Variants in AFAP1 observed in about 807,000 individuals in gnomAD.
AFAP1 encodes the protein actin filament associated protein 1, also known as actin filament-associated protein 1.
AFAP1 carries 75 observed loss-of-function variants against 93.9 expected under a neutral mutation model. The observed-to-expected ratio is 0.80, with a 90% confidence interval of 0.66 to 0.97. The LOEUF is 0.97. AFAP1 is among the 50% of genes least tolerant of loss of function. The pLI is 0.00. For synonymous variants in AFAP1, 517 were observed against 430.7 expected (o/e 1.20, Z -2.48); for missense variants, 1,201 against 1,050.8 (o/e 1.14, Z -1.98).
In AFAP1 at chr4:7,880,231, C is replaced by T. The variant is rs376051256; in HGVS notation, c.-2-8151G>A. On this transcript the variant is annotated intron_variant, in intron 1 of 17. Coordinates refer to ENST00000420658, the MANE Select transcript of AFAP1 (RefSeq NM_001134647.2). ...GCATTTTCTTTATTTACCTTCATGA[C>T]TCAATCATGGATTTGAAAGCTAGGA... Among the ~76,000 whole-genome samples, 6 of 150,938 alleles carry T rather than the reference C, an allele frequency of 4.0e-5. 1 individual carries two copies. Among genetic ancestry groups the T allele is most frequent in the Admixed American group, 1.3e-4 (2 of 15,196 alleles).
rs145983651 is a variant in AFAP1 at position 7,902,641 on chromosome 4, T to C, written c.-2-30561A>G. ...TTTCTAGGTACAAACCTTGTGAACA[T>C]AATTTTCATCTGCTGGGCTTTTTCT... is the stretch of plus-strand genomic sequence containing the variant. On this transcript the variant is annotated intron_variant, in intron 1 of 17. Coordinates refer to ENST00000420658, the MANE Select transcript of AFAP1 (RefSeq NM_001134647.2). 1.7e-3 allele frequency among the ~76,000 whole-genome samples: 262 copies of C among 152,310 alleles called. 2 individuals are homozygous for C. The highest frequency in any genetic ancestry group is 6.2e-3 in the African/African-American group (257 of 41,568).
chr4:7,767,314 G>A (rs146451137), intron 17 of AFAP1, among the ~76,000 whole-genome samples: 11 of 152,312 alleles, frequency 7.2e-5, no homozygotes, highest in Middle Eastern at 6.8e-3. Context: ...TCTGTATGAC[G>A]GAAGCACACA....
At chr4:7,857,901 G>C (rs529131377) in intron 3 of AFAP1, among the ~76,000 whole-genome samples, 1 of 152,212 alleles carries the variant, frequency 6.6e-6, no homozygotes, top group South Asian at 2.1e-4. Flanking sequence ...AACCCTATTG[G>C]TGGTCATGTA....
chr4:7,796,829 G>A (rs997792398), intron 10 of AFAP1, among the ~76,000 whole-genome samples: 2 of 151,492 alleles, frequency 1.3e-5, no homozygotes, highest in African/African-American at 4.9e-5. Context: ...GGAGACCAAG[G>A]CGGGCAGTTC....
intron 6 of AFAP1, among the ~76,000 whole-genome samples, chr4:7,828,836 T>C (rs1170861197): frequency 6.6e-6 from 1 of 152,228 alleles, no homozygotes; most frequent in Non-Finnish European, 1.5e-5. Context: ...CCCAGGAGTC[T>C]GACTCCAGTC....
In AFAP1 at chr4:7,795,973, G is replaced by A. The variant is rs967482554; in HGVS notation, c.1267-2147C>T. 5.3e-5 allele frequency among the ~76,000 whole-genome samples: 8 copies of A among 152,202 alleles called. No homozygotes were observed. In the East Asian group the frequency reaches 5.8e-4, roughly 11 times the overall value. On this transcript the variant is annotated intron_variant, in intron 10 of 17. Transcript: ENST00000420658. ...CATAGATAGGTATAGACATAGAGACGTGTGTGGGTGCATATATGTATGTAT... is the reference window on the plus strand; with the variant it reads ...CATAGATAGGTATAGACATAGAGACATGTGTGGGTGCATATATGTATGTAT...
chr4:7,780,087 A>C (rs1716596240), intron 13 of AFAP1, among the ~76,000 whole-genome samples: 1 of 152,238 alleles, frequency 6.6e-6, no homozygotes, highest in Non-Finnish European at 1.5e-5. Flanking sequence ...AATGCCAATA[A>C]AAAGACATGT....
intron 11 of AFAP1, among the ~76,000 whole-genome samples, chr4:7,793,184 C>A (rs1718050558): frequency 6.6e-6 from 1 of 151,698 alleles, no homozygotes; most frequent in Non-Finnish European, 1.5e-5. Context: ...AAAAAAATCA[C>A]AATTTAAATT....
At chr4:7,873,150 C>G (rs1717200780) in intron 1 of AFAP1, among the ~76,000 whole-genome samples, 1 of 134,696 alleles carries the variant, frequency 7.4e-6, no homozygotes, top group Admixed American at 8.0e-5. Flanking sequence ...GGCTGGGGCA[C>G]AAGAATCGCT....
At chr4:7,855,648 G>T in intron 3 of AFAP1, 74 bp from the exon 4 acceptor site, 2 of 1,168,924 alleles carry the variant, frequency 1.7e-6, no homozygotes, top group Non-Finnish European at 2.6e-6. Context: ...CCAATTAACA[G>T]GTGTGGCCAG....
chr4:7,795,177 T>C (rs115521529), intron 10 of AFAP1, among the ~76,000 whole-genome samples: 2,944 of 152,234 alleles, frequency 0.019, 102 homozygotes, highest in African/African-American at 0.067. Flanking sequence ...ACTTTTTATG[T>C]TGAGAAATTG....
Position 7,939,703 on chromosome 4 carries a change from C to T in AFAP1, c.-50G>A, listed in dbSNP as rs1289030652. ...CTCGCTCCTCGCCGCGGCGCCTGGGCCGACTGGAGCGCAGCTGAACAGCCG... is the reference window on the plus strand; with the variant it reads ...CTCGCTCCTCGCCGCGGCGCCTGGGTCGACTGGAGCGCAGCTGAACAGCCG... On this transcript the variant is annotated 5_prime_UTR_variant, in exon 1 of 18. Transcript: ENST00000420658. The surrounding 1 kb of genome is among the most constrained non-coding windows in gnomAD (Gnocchi z 5.6). 1 of 414,968 alleles carries T rather than the reference C, an allele frequency of 2.4e-6. No homozygotes were observed. The highest frequency in any genetic ancestry group is 2.2e-5 in the African/African-American group (1 of 45,806). The allele number at this position is 414,968 out of a possible 1,614,324, so 25.7% of individuals were successfully genotyped here. A position where few individuals can be genotyped will look rare whatever the true frequency, so the allele number is the denominator to read the frequency against.
At chr4:7,922,161 G>A (rs967592895) in intron 1 of AFAP1, among the ~76,000 whole-genome samples, 3 of 152,210 alleles carry the variant, frequency 2.0e-5, no homozygotes, top group African/African-American at 7.2e-5. Flanking sequence ...GCAATGATGG[G>A]AGTAGGACTT....
chr4:7,926,848 G>C (rs1720798572), intron 1 of AFAP1, among the ~76,000 whole-genome samples: 1 of 152,172 alleles, frequency 6.6e-6, no homozygotes, highest in East Asian at 1.9e-4. Flanking sequence ...CGATTCTCCC[G>C]CCTCAGCCTC....
chr4:7,804,442 G>C (rs1430410033), intron 9 of AFAP1, among the ~76,000 whole-genome samples: 1 of 148,228 alleles, frequency 6.7e-6, no homozygotes, highest in Non-Finnish European at 1.5e-5. Context: ...AAAATAAAGA[G>C]TGCAGTTTCT....
chr4:7,816,425 T>C (rs1046652411), intron 7 of AFAP1, among the ~76,000 whole-genome samples: 4 of 152,208 alleles, frequency 2.6e-5, no homozygotes, highest in Non-Finnish European at 5.9e-5. Context: ...TTACAAAAAA[T>C]ATTTCCCTCA....
intron 13 of AFAP1, 40 bp downstream of exon 13, chr4:7,781,336 T>G (rs768330916): frequency 3.2e-6 from 5 of 1,544,438 alleles, no homozygotes; most frequent in Middle Eastern, 3.4e-4. Flanking sequence ...CAATGTGACT[T>G]GAAGGTGGTT....
intron 9 of AFAP1, among the ~76,000 whole-genome samples, chr4:7,803,121 G>A (rs1577229096): frequency 6.6e-6 from 1 of 152,160 alleles, no homozygotes; most frequent in African/African-American, 2.4e-5. Flanking sequence ...ACAGCCAACT[G>A]TATCAATCCT....
At chr4:7,900,095 G>A (rs1719034049) in intron 1 of AFAP1, among the ~76,000 whole-genome samples, 1 of 152,142 alleles carries the variant, frequency 6.6e-6, no homozygotes, top group African/African-American at 2.4e-5. Context: ...AAATACAGTT[G>A]TCTTTAACAA....
Sources: gnomAD v4.1 joint callset for allele counts (sites outside exome capture counted in the v4.1 genomes callset) on GRCh38, gnomAD v4.1.1 for gene constraint, Gnocchi (gnomAD v3.1) non-coding constraint, MANE v1.5 for transcripts, NCBI Gene and HGNC (gene_info 2026-07-23, HGNC 2026-07-21) for gene names.